The following ZNF213 variants were observed in gnomAD, a reference collection of about 807,000 sequenced individuals.
The protein encoded by ZNF213 is putative transcription factor CR53.
In ZNF213, 32 loss-of-function variants were observed where a neutral mutation model predicts 46.0. That is an observed-to-expected ratio of 0.70 (90% CI 0.52 to 0.93). The LOEUF (loss-of-function observed/expected upper bound fraction) is 0.93, where lower values mean the gene tolerates loss of function less well. ZNF213 is among the 40% of genes least tolerant of loss of function. ZNF213 has a pLI of 0.00. For missense variants in ZNF213, 639 were observed against 652.8 expected (o/e 0.98, Z 0.23); for synonymous variants, 297 against 271.0 (o/e 1.10, Z -0.94).
intron 1 of ZNF213, among the ~76,000 whole-genome samples, chr16:3,135,955 C>T (rs959217361): frequency 4.0e-5 from 6 of 151,110 alleles, no homozygotes; most frequent in Non-Finnish European, 7.4e-5. Flanking sequence ...CTTTCCTCCT[C>T]AGCCTCCCCA....
Position 3,137,482 on chromosome 16 carries a change from G to A in ZNF213, c.202G>A (p.Glu68Lys), listed in dbSNP as rs1443160705. 3.1e-6 allele frequency: 5 copies of A among 1,613,950 alleles called. No homozygotes were observed. The highest frequency in any genetic ancestry group is 2.2e-5 in the East Asian group (1 of 44,890). ...GPHEAFSQLW[E>K]LCCRWLRPEL... The stretch of plus-strand genomic sequence containing the variant: ...TCATGAGGCCTTCAGCCAGCTCTGG[G>A]AGCTCTGCTGCCGCTGGCTGCGGCC... Residue 68 changes from glutamate to lysine, a missense_variant, in exon 2 of 6, where the codon GAG (glutamate) becomes AAG (lysine). Physicochemically the swap from Glu to Lys is moderately conservative, Grantham distance 56. Coordinates refer to ENST00000396878, the MANE Select transcript of ZNF213 (RefSeq NM_004220.3).
In ZNF213 at chr16:3,140,826, AGGGC is replaced by A. The variant is rs1957594346; in HGVS notation, c.862_865del (p.Ala288ProfsTer258). The A allele has an allele frequency of 6.3e-7, 1 of 1,591,776 alleles. No individual in the cohort carries two copies. Among genetic ancestry groups the A allele is most frequent in the African/African-American group, 1.4e-5 (1 of 73,300 alleles). On this transcript the variant is annotated frameshift_variant, in exon 6 of 6. Coordinates refer to ENST00000396878, the MANE Select transcript of ZNF213 (RefSeq NM_004220.3). LOFTEE classifies it high-confidence loss of function. ...GGCCTGGGAGAGCGAGAACCGGCCGAGGGCGGCCCTGGGCCCAGTGGTGGGCGCG... is the reference window on the plus strand; with the variant it reads ...GGCCTGGGAGAGCGAGAACCGGCCGAGGCCCTGGGCCCAGTGGTGGGCGCG...
chr16:3,135,194 G>A lies in ZNF213; in HGVS notation c.-309G>A, dbSNP rs1439764946. ...ACCGGGCTCCGAGTGGCCGGGATCAGCGCCCCGAGGCAGAGGCCGGAGGGC... is the reference window on the plus strand; with the variant it reads ...ACCGGGCTCCGAGTGGCCGGGATCAACGCCCCGAGGCAGAGGCCGGAGGGC... On this transcript the variant is annotated 5_prime_UTR_variant, in exon 1 of 6. Transcript: ENST00000396878. The A allele has an allele frequency of 3.9e-5, 6 of 153,106 alleles. No individual in the cohort carries two copies. The highest frequency in any genetic ancestry group is 1.4e-4 in the African/African-American group (6 of 41,468). The allele number at this position is 153,106 out of a possible 1,614,324, so 9.5% of individuals were successfully genotyped here.
chr16:3,138,224 C>T (rs968156182), intron 2 of ZNF213, 194 bp from the exon 3 acceptor site: 13 of 1,103,690 alleles, frequency 1.2e-5, no homozygotes, highest in African/African-American at 7.9e-5. Flanking sequence ...CGTGAATGAT[C>T]GGGGAGCATC....
Position 3,141,247 on chromosome 16 carries a change from G to T in ZNF213, c.1280G>T (p.Arg427Leu). Residue 427 changes from arginine (R) to leucine (L), a missense_variant, in exon 6 of 6, where the codon CGG (arginine) becomes CTG (leucine). Physicochemically the swap from Arg to Leu is moderately radical, Grantham distance 102. Coordinates refer to ENST00000396878, the MANE Select transcript of ZNF213 (RefSeq NM_004220.3). ...CATCGGCGTGTGCACACCGGTGAGCGGCCCTTCGGCTGCGGAGAGTGCGAC... is the reference window on the plus strand; with the variant it reads ...CATCGGCGTGTGCACACCGGTGAGCTGCCCTTCGGCTGCGGAGAGTGCGAC... ...LDHRRVHTGE[R>L]PFGCGECDKS... The T allele has an allele frequency of 6.2e-7, 1 of 1,612,268 alleles. No homozygotes were observed. Among genetic ancestry groups the T allele is most frequent in the Non-Finnish European group, 8.5e-7 (1 of 1,179,870 alleles).
chr16:3,136,364 A>G (rs1051167553), intron 1 of ZNF213, among the ~76,000 whole-genome samples: 1 of 152,206 alleles, frequency 6.6e-6, no homozygotes, highest in Admixed American at 6.5e-5. Context: ...CAGACGATAT[A>G]TCAAGCACAT....
intron 1 of ZNF213, among the ~76,000 whole-genome samples, chr16:3,136,673 C>T (rs937758019): frequency 2.7e-5 from 4 of 150,180 alleles, no homozygotes; most frequent in Non-Finnish European, 5.9e-5. Flanking sequence ...ACTGAGATTG[C>T]GCCACTGCAC....
intron 5 of ZNF213, 173 bp downstream of exon 5, chr16:3,139,271 T>C (rs1047331796): frequency 9.9e-7 from 1 of 1,013,878 alleles, no homozygotes; most frequent in Non-Finnish European, 1.4e-6. Context: ...CGTTTCCACA[T>C]GCAGCATGGG....
chr16:3,135,528 A>G (rs988934511), intron 1 of ZNF213, 141 bp downstream of exon 1: 1 of 152,232 alleles, frequency 6.6e-6, no homozygotes, highest in African/African-American at 2.4e-5. Flanking sequence ...AACAACCCGA[A>G]TGCATCACTC....
chr16:3,137,260 C>G lies in ZNF213; in HGVS notation c.-21C>G, dbSNP rs756948506. On this transcript the variant is annotated 5_prime_UTR_variant, in exon 2 of 6. Transcript: ENST00000396878. ...GGGGCCCAGGTTGAAGCCGACCAAC[C>G]CTGAGCCTCAGGCCAGGGGAATGGC... 1.9e-6 allele frequency: 3 copies of G among 1,565,948 alleles called. No homozygotes were observed. Among genetic ancestry groups the G allele is most frequent in the East Asian group, 4.5e-5 (2 of 44,466 alleles).
Position 3,135,090 on chromosome 16 carries a change from T to C in ZNF213, c.-413T>C, listed in dbSNP as rs975035694. On this transcript the variant is annotated 5_prime_UTR_variant, in exon 1 of 6. Transcript: ENST00000396878. ...GGATCTCCTGGGCCGTAGTGGGCGT[T>C]GTGTGTTTCGGGGGCGGGGGCGGGG... 2.3e-5 allele frequency: 2 copies of C among 86,958 alleles called. No individual in the cohort carries two copies. Among genetic ancestry groups the C allele is most frequent in the African/African-American group, 4.5e-5 (1 of 22,246 alleles). The allele number at this position is 86,958 out of a possible 1,614,324, so 5.4% of individuals were successfully genotyped here. A position where few individuals can be genotyped will look rare whatever the true frequency, so the allele number is the denominator to read the frequency against.
In ZNF213 at chr16:3,141,096, G is replaced by C. The variant is rs1258365208; in HGVS notation, c.1129G>C (p.Glu377Gln). The change falls in exon 6 of 6, where the codon GAG (glutamate) becomes CAG (glutamine). Residue 377 changes from glutamate (E) to glutamine (Q), a missense_variant. Coordinates refer to ENST00000396878, the MANE Select transcript of ZNF213 (RefSeq NM_004220.3). Reference sequence around the variant, plus strand: ...GGGCGAGAAGCCCTTCTCCTGTTCCGAGTGCGGCAAGAGCTTCAGCCGCAG... The same window carrying C: ...GGGCGAGAAGCCCTTCTCCTGTTCCCAGTGCGGCAAGAGCTTCAGCCGCAG... ...HTGEKPFSCS[E>Q]CGKSFSRSAY... 15 of 1,612,912 alleles carry C rather than the reference G, an allele frequency of 9.3e-6. No individual in the cohort carries two copies. The highest frequency in any genetic ancestry group is 1.3e-5 in the African/African-American group (1 of 74,998).
chr16:3,139,293 G>A (rs1306667251), intron 5 of ZNF213, 195 bp downstream of exon 5: 13 of 765,446 alleles, frequency 1.7e-5, no homozygotes, highest in South Asian at 5.7e-5. Flanking sequence ...CGGCGCCGGC[G>A]CTGCCCAGCC....
Position 3,137,192 on chromosome 16 carries a change from C to G in ZNF213, c.-89C>G. On this transcript the variant is annotated 5_prime_UTR_variant, in exon 2 of 6. Coordinates refer to ENST00000396878, the MANE Select transcript of ZNF213 (RefSeq NM_004220.3). ...AGTACACATCCAGATGCCAGCCCAGCTACCACAGGGGATCCCTCTGGGAGA... is the reference window on the plus strand; with the variant it reads ...AGTACACATCCAGATGCCAGCCCAGGTACCACAGGGGATCCCTCTGGGAGA... 2 of 1,492,234 alleles carry G rather than the reference C, an allele frequency of 1.3e-6. No individual in the cohort carries two copies. Among genetic ancestry groups the G allele is most frequent in the East Asian group, 2.3e-5 (1 of 43,886 alleles). The allele number at this position is 1,492,234 out of a possible 1,614,324, so 92.4% of individuals were successfully genotyped here.
Position 3,140,818 on chromosome 16 carries a change from A to T in ZNF213, c.851A>T (p.Asn284Ile), listed in dbSNP as rs1274570510. The T allele has an allele frequency of 6.3e-7, 1 of 1,593,864 alleles. No individual in the cohort carries two copies. The highest frequency in any genetic ancestry group is 1.8e-5 in the Admixed American group (1 of 56,114). ...GAGGCTGAGGCCTGGGAGAGCGAGA[A>T]CCGGCCGAGGGCGGCCCTGGGCCCA... ...PEEAEAWESE[N>I]RPRAALGPVV... The change falls in exon 6 of 6, where the codon AAC (asparagine) becomes ATC (isoleucine). Residue 284 changes from asparagine (N) to isoleucine (I), a missense_variant. Asn to Ile is a moderately radical substitution (Grantham distance 149, BLOSUM62 -3). Transcript: ENST00000396878.
In ZNF213 at chr16:3,137,422, T is replaced by C. The variant is rs1479179898; in HGVS notation, c.142T>C (p.Phe48Leu). 6.2e-7 allele frequency: 1 copy of C among 1,614,010 alleles called. No homozygotes were observed. Among genetic ancestry groups the C allele is most frequent in the Admixed American group, 1.7e-5 (1 of 60,026 alleles). ...GRDSEACRQR[F>L]RQFCYGDVHG... ...GGATTCCGAAGCCTGCCGCCAGCGC[T>C]TCCGGCAATTCTGCTACGGGGATGT... Residue 48 changes from phenylalanine to leucine, a missense_variant, in exon 2 of 6, where the codon TTC becomes CTC. Transcript: ENST00000396878.
In ZNF213 at chr16:3,142,418, CG is replaced by C. The variant is rs1016016418; in HGVS notation, c.*1073del. 3 of 130,658 alleles carry C rather than the reference CG, an allele frequency of 2.3e-5. No homozygotes were observed. The highest frequency in any genetic ancestry group is 3.4e-5 in the Non-Finnish European group (2 of 59,188). 8.1% of individuals were successfully genotyped at this position (130,658 alleles called of 1,614,324 possible). On this transcript the variant is annotated 3_prime_UTR_variant, in exon 6 of 6. Coordinates refer to ENST00000396878, the MANE Select transcript of ZNF213 (RefSeq NM_004220.3). ...CATCAGCACTAACGCCCTGCTCCATCGGCACTGGTGTCCCACTCCATTGTCA... is the reference window on the plus strand; with the variant it reads ...CATCAGCACTAACGCCCTGCTCCATCGCACTGGTGTCCCACTCCATTGTCA...
Position 3,140,733 on chromosome 16 carries a change from ATGGTGCCGG to A in ZNF213, c.774_782del (p.Val259_Pro261del). 1 of 1,530,202 alleles carries A rather than the reference ATGGTGCCGG, an allele frequency of 6.5e-7. No individual in the cohort carries two copies. The highest frequency in any genetic ancestry group is 8.7e-7 in the Non-Finnish European group (1 of 1,145,416). The allele number at this position is 1,530,202 out of a possible 1,614,324, so 94.8% of individuals were successfully genotyped here. On this transcript the variant is annotated inframe_deletion, in exon 6 of 6. Transcript: ENST00000396878. Reference sequence around the variant, plus strand: ...AAGTGAGAAGTCCCTGCTGCAGGAGATGGTGCCGGTGGTGCCAGGCCAGACAGGCAGCGA... The same window carrying A: ...AAGTGAGAAGTCCCTGCTGCAGGAGATGGTGCCAGGCCAGACAGGCAGCGA...
At chr16:3,139,404 G>C in intron 5 of ZNF213, 1 of 311,718 alleles carries the variant, frequency 3.2e-6, no homozygotes, top group Non-Finnish European at 6.0e-6. Flanking sequence ...ACTCAGGTCA[G>C]TGGATGCTGA....
Sources: allele counts gnomAD v4.1 joint callset (sites outside exome capture counted in the v4.1 genomes callset), GRCh38; gene constraint gnomAD v4.1.1; transcripts MANE v1.5; gene names NCBI Gene and HGNC (gene_info 2026-07-23, HGNC 2026-07-21).